MANF: variants seen among roughly 807,000 people sequenced by gnomAD.
The protein encoded by MANF is mesencephalic astrocyte derived neurotrophic factor.
Under a neutral mutation model 19.1 loss-of-function variants are expected in MANF, and 9 were observed. The observed-to-expected ratio is 0.47, with a 90% CI of 0.28 to 0.82. MANF has a LOEUF of 0.82. Among genes scored for constraint, MANF ranks in the 40% least tolerant of loss-of-function variants. The pLI, the probability that MANF is intolerant of heterozygous loss-of-function variation, is 0.10. For synonymous variants in MANF, 89 were observed against 88.0 expected (o/e 1.01, Z -0.06); for missense variants, 225 against 226.7 (o/e 0.99, Z 0.05).
chr3:51,386,048 T>TCTACCTGTAGAC (rs1326181068), intron 1 of MANF, 160 bp from the exon 2 acceptor site: 3 of 712,612 alleles, frequency 4.2e-6, no homozygotes, highest in Non-Finnish European at 6.8e-6. Context: ...GGAACCGGGT[T>TCTACCTGTAGAC]CTGTCTACCT....
intron 1 of MANF, 177 bp from the exon 2 acceptor site, chr3:51,386,031 G>A (rs1244115678): frequency 1.4e-5 from 9 of 633,822 alleles, no homozygotes; most frequent in African/African-American, 9.2e-5. Context: ...GGGGACCCCC[G>A]CCACTTGGAA....
intron 2 of MANF, 95 bp from the exon 3 acceptor site, chr3:51,387,642 G>A: frequency 8.2e-7 from 1 of 1,214,418 alleles, no homozygotes; most frequent in Non-Finnish European, 1.2e-6. Flanking sequence ...ACACAAGTAA[G>A]GCCCTACAGA....
chr3:51,389,307 G>A lies in MANF; in HGVS notation c.*218G>A. The A allele has an allele frequency of 2.2e-6, 1 of 457,318 alleles. No homozygotes were observed. Among genetic ancestry groups the A allele is most frequent in the Non-Finnish European group, 3.8e-6 (1 of 263,016 alleles). The allele number at this position is 457,318 out of a possible 1,614,324, so 28.3% of individuals were successfully genotyped here. On this transcript the variant is annotated 3_prime_UTR_variant, in exon 4 of 4. Transcript: ENST00000528157. ...TACTCTAGGACTTCAAAGTGTGTCT[G>A]GGATTTTTTTATTAAAGAAAAAAAA...
At chr3:51,386,462 T>C in intron 2 of MANF, 127 bp downstream of exon 2, 1 of 1,019,746 alleles carries the variant, frequency 9.8e-7, no homozygotes, top group Non-Finnish European at 1.4e-6. Flanking sequence ...CATAAACTAA[T>C]GTGAGAAGAC....
intron 3 of MANF, 75 bp from the exon 4 acceptor site, chr3:51,388,829 AG>A: frequency 8.7e-7 from 1 of 1,143,696 alleles, no homozygotes; most frequent in African/African-American, 1.6e-5. Flanking sequence ...CCGTTCAGGG[AG>A]TGACATACTC....
chr3:51,386,108 C>G, intron 1 of MANF, 100 bp from the exon 2 acceptor site: 1 of 1,278,378 alleles, frequency 7.8e-7, no homozygotes, highest in Non-Finnish European at 1.1e-6. Context: ...TCTAATGATT[C>G]ATCTCCGTGT....
At chr3:51,387,605 C>T in intron 2 of MANF, 132 bp from the exon 3 acceptor site, 2 of 799,042 alleles carry the variant, frequency 2.5e-6, no homozygotes, top group Non-Finnish European at 4.0e-6. Flanking sequence ...GCATTCCAGC[C>T]TGGGTGACAG....
intron 2 of MANF, among the ~76,000 whole-genome samples, chr3:51,386,622 A>G (rs149996259): frequency 6.6e-6 from 1 of 152,344 alleles, no homozygotes; most frequent in Non-Finnish European, 1.5e-5. Context: ...AAATAATGCA[A>G]TGTCTGGGTG....
intron 2 of MANF, chr3:51,387,121 G>A (rs1399958519): frequency 2.9e-6 from 1 of 345,792 alleles, no homozygotes; most frequent in Non-Finnish European, 5.7e-6. Flanking sequence ...TTAGGAGTTT[G>A]AGATCAGCCT....
rs2088933445 is a variant in MANF, at chr3:51,385,358, G to A, written c.16G>A (p.Ala6Thr). The change falls in exon 1 of 4, where the codon GCC becomes ACC. Residue 6 changes from alanine to threonine, a missense_variant. By Grantham distance (58) the Ala-to-Thr change is moderately conservative. Coordinates refer to ENST00000528157, the MANE Select transcript of MANF (RefSeq NM_006010.6). MRRMW[A>T]TQGLAVALAL... is the part of the protein sequence containing the mutation. ...GATGAGGAGGATGAGGAGGATGTGG[G>A]CCACGCAGGGGCTGGCGGTGGCGCT... 5 of 1,239,376 alleles carry A rather than the reference G, an allele frequency of 4.0e-6. No homozygotes were observed. Among genetic ancestry groups the A allele is most frequent in the Non-Finnish European group, 5.1e-6 (5 of 989,440 alleles). 76.8% of individuals were successfully genotyped at this position (1,239,376 alleles called of 1,614,324 possible). A position where few individuals can be genotyped will look rare whatever the true frequency, so the allele number is the denominator to read the frequency against.
At chr3:51,387,614 A>G in intron 2 of MANF, 123 bp from the exon 3 acceptor site, 1 of 875,504 alleles carries the variant, frequency 1.1e-6, no homozygotes, top group South Asian at 1.6e-5. Context: ...CCTGGGTGAC[A>G]GGGAGCCCTA....
At chr3:51,387,132 G>C in intron 2 of MANF, 1 of 339,646 alleles carries the variant, frequency 2.9e-6, no homozygotes, top group South Asian at 2.2e-5. Flanking sequence ...AGATCAGCCT[G>C]GGCAAAGTGG....
intron 2 of MANF, among the ~76,000 whole-genome samples, chr3:51,386,719 A>G (rs555572893): frequency 7.0e-4 from 106 of 152,370 alleles, no homozygotes; most frequent in African/African-American, 2.5e-3. Flanking sequence ...GGGTAAGACC[A>G]TCCCATACAG....
intron 2 of MANF, 39 bp downstream of exon 2, chr3:51,386,374 A>T (rs1467150303): frequency 6.2e-7 from 1 of 1,609,728 alleles, no homozygotes; most frequent in Non-Finnish European, 8.5e-7. Flanking sequence ...GCCCTGGCTC[A>T]TGTTAACCCT....
Position 51,388,934 on chromosome 3 carries a change from C to T in MANF, c.394C>T (p.Leu132=). 1 of 1,586,284 alleles carries T rather than the reference C, an allele frequency of 6.3e-7. No homozygotes were observed. Among genetic ancestry groups the T allele is most frequent in the Middle Eastern group, 1.7e-4 (1 of 6,036 alleles). The change falls in exon 4 of 4, where the codon CTG becomes TTG. Residue 132 remains leucine, a synonymous_variant. Transcript: ENST00000528157. ...GCAGATCGACCTGAGCACAGTGGAC[C>T]TGAAGAAGCTCCGAGTTAAAGAGCT... ...DKQIDLSTVD[L]KKLRVKELKK... is the part of the protein sequence containing the mutation.
At chr3:51,386,845 G>A (rs2088966730) in intron 2 of MANF, 1 of 456,774 alleles carries the variant, frequency 2.2e-6, no homozygotes, top group Non-Finnish European at 4.4e-6. Flanking sequence ...AAAAGCCCTA[G>A]TGAAGCAATG....
Position 51,385,439 on chromosome 3 carries a change from G to A in MANF, c.94+3G>A. On this transcript the variant is annotated splice_donor_region_variant and intron_variant, in intron 1 of 3. Transcript: ENST00000528157. ...GCTGCGGCCGGGCGACTGCGAAGGT[G>A]CGGGATAGGGGGCCGGGGGCCGCGC... 1 of 1,233,148 alleles carries A rather than the reference G, an allele frequency of 8.1e-7. No homozygotes were observed. Among genetic ancestry groups the A allele is most frequent in the South Asian group, 4.1e-5 (1 of 24,650 alleles). 76.4% of individuals were successfully genotyped at this position (1,233,148 alleles called of 1,614,324 possible). A position where few individuals can be genotyped will look rare whatever the true frequency, so the allele number is the denominator to read the frequency against.
chr3:51,389,251 T>C lies in MANF; in HGVS notation c.*162T>C, dbSNP rs544627087. ...TGATGCTGGCCCTACAGTACCCCCA[T>C]GAGGGGATTCCCTTCCTTCTGTTGC... On this transcript the variant is annotated 3_prime_UTR_variant, in exon 4 of 4. Coordinates refer to ENST00000528157, the MANE Select transcript of MANF (RefSeq NM_006010.6). 1.5e-5 allele frequency: 9 copies of C among 593,622 alleles called. No homozygotes were observed. The South Asian group carries it at 2.2e-4, about 14-fold the overall frequency. 36.8% of individuals were successfully genotyped at this position (593,622 alleles called of 1,614,324 possible).
Position 51,385,329 on chromosome 3 carries a change from GGAGGAT to G in MANF, c.-8_-3del, listed in dbSNP as rs782386353. The G allele has an allele frequency of 5.2e-3, 5,692 of 1,099,568 alleles. 22 individuals carry two copies. Among genetic ancestry groups the G allele is most frequent in the African/African-American group, 0.011 (679 of 59,894 alleles). 68.1% of individuals were successfully genotyped at this position (1,099,568 alleles called of 1,614,324 possible). ...CGGCAGCGGAGGAGGAGGAGGAGGAGGAGGATGAGGAGGATGAGGAGGATGTGGGCC... is the reference window on the plus strand; with the variant it reads ...CGGCAGCGGAGGAGGAGGAGGAGGAGGAGGAGGATGAGGAGGATGTGGGCC... On this transcript the variant is annotated 5_prime_UTR_variant, in exon 1 of 4. The change abolishes an upstream ATG in the 5' untranslated region. Transcript: ENST00000528157.
Sources: allele counts gnomAD v4.1 joint callset (sites outside exome capture counted in the v4.1 genomes callset), GRCh38; gene constraint gnomAD v4.1.1; transcripts MANE v1.5; gene names NCBI Gene and HGNC (gene_info 2026-07-23, HGNC 2026-07-21).